BRD10: variants seen among roughly 807,000 people sequenced by gnomAD.
BRD10 encodes the protein uncharacterized bromodomain-containing protein 10.
the BRD10 span, among the ~76,000 whole-genome samples, chr9:5,973,324 G>A: frequency 3.0e-4 from 46 of 152,158 alleles, no homozygotes; most frequent in African/African-American, 1.0e-3. Context: ...AAAATCAGCT[G>A]GGCGTAGTGG....
At chr9:5,979,206 TAA>T in the BRD10 span, among the ~76,000 whole-genome samples, 1 of 152,124 alleles carries the variant, frequency 6.6e-6, no homozygotes, top group Non-Finnish European at 1.5e-5. Context: ...GTACATGAAA[TAA>T]AGAGTACTAA....
the BRD10 span, among the ~76,000 whole-genome samples, chr9:5,912,610 C>G: frequency 2.6e-5 from 4 of 152,170 alleles, no homozygotes; most frequent in Admixed American, 2.6e-4. Flanking sequence ...AGGAGAGGAG[C>G]CTTCAGGAAA....
the BRD10 span, among the ~76,000 whole-genome samples, chr9:5,890,369 T>G: frequency 6.6e-6 from 1 of 152,240 alleles, no homozygotes; most frequent in Admixed American, 6.5e-5. Context: ...GACATAGTTG[T>G]ATTAAGAAAC....
chr9:5,966,445 C>G, the BRD10 span, among the ~76,000 whole-genome samples: 8 of 134,674 alleles, frequency 5.9e-5, no homozygotes, highest in African/African-American at 1.9e-4. Flanking sequence ...ATTTTAGAGA[C>G]TAACATTTCC....
chr9:5,895,389 T>C, the BRD10 span, among the ~76,000 whole-genome samples: 1 of 152,146 alleles, frequency 6.6e-6, no homozygotes, highest in East Asian at 1.9e-4. Flanking sequence ...TCTTCTTTTT[T>C]TTTTTTTAAT....
the BRD10 span, among the ~76,000 whole-genome samples, chr9:6,000,487 ATGATTTT>A: frequency 1.3e-5 from 2 of 152,220 alleles, no homozygotes; most frequent in African/African-American, 4.8e-5. Context: ...TCTCCAAGAT[ATGATTTT>A]TCTTCCCTGC....
At chr9:5,985,186 G>A in the BRD10 span, among the ~76,000 whole-genome samples, 1 of 152,212 alleles carries the variant, frequency 6.6e-6, no homozygotes, top group Non-Finnish European at 1.5e-5. Context: ...AAATGATACT[G>A]AAGGAACTGG....
At chr9:5,990,692 T>C in the BRD10 span, among the ~76,000 whole-genome samples, 1 of 152,202 alleles carries the variant, frequency 6.6e-6, no homozygotes, top group Admixed American at 6.5e-5. Context: ...ATGGTGCTGC[T>C]TCTCTCTCAC....
At chr9:5,943,381 T>C in the BRD10 span, among the ~76,000 whole-genome samples, 1 of 152,296 alleles carries the variant, frequency 6.6e-6, no homozygotes, top group African/African-American at 2.4e-5. Context: ...TATGTTTAAC[T>C]GTAGCATAAA....
At chr9:5,912,118 T>C in the BRD10 span, among the ~76,000 whole-genome samples, 2 of 152,204 alleles carry the variant, frequency 1.3e-5, no homozygotes, top group African/African-American at 4.8e-5. Flanking sequence ...AATTCTTAGA[T>C]ATTTTATTTT....
chr9:5,886,179 G>T, the BRD10 span, among the ~76,000 whole-genome samples: 1 of 152,200 alleles, frequency 6.6e-6, no homozygotes, highest in Admixed American at 6.5e-5. Context: ...GCCCCAAGCA[G>T]GATGAGTCAA....
the BRD10 span, among the ~76,000 whole-genome samples, chr9:5,925,502 G>C: frequency 6.6e-6 from 1 of 151,758 alleles, no homozygotes; most frequent in Non-Finnish European, 1.5e-5. Flanking sequence ...TTTTCTAGCT[G>C]CACTGACAGA....
the BRD10 span, chr9:5,921,341 G>T: frequency 6.2e-7 from 1 of 1,613,846 alleles, no homozygotes; most frequent in East Asian, 2.2e-5. Context: ...CACTGTAGAC[G>T]GAATCAGTAC....
At chr9:5,964,914 G>T in the BRD10 span, among the ~76,000 whole-genome samples, 2 of 108,792 alleles carry the variant, frequency 1.8e-5, no homozygotes, top group South Asian at 3.5e-4. Flanking sequence ...GGTGGGGTGG[G>T]GGGAGGGGGG....
At chr9:5,917,640 T>C in the BRD10 span, among the ~76,000 whole-genome samples, 2 of 152,060 alleles carry the variant, frequency 1.3e-5, no homozygotes, top group African/African-American at 4.8e-5. Flanking sequence ...TCACCTGAGG[T>C]CAGGAGTTCG....
At chr9:5,993,609 G>C in the BRD10 span, among the ~76,000 whole-genome samples, 1 of 152,198 alleles carries the variant, frequency 6.6e-6, no homozygotes, top group Non-Finnish European at 1.5e-5. Context: ...GGAACCCAGA[G>C]AGCGGTGACT....
At chr9:5,959,173 T>C in the BRD10 span, among the ~76,000 whole-genome samples, 2 of 152,182 alleles carry the variant, frequency 1.3e-5, no homozygotes, top group African/African-American at 2.4e-5. Flanking sequence ...TCTTCTATCA[T>C]TGTGATAGAA....
At chr9:6,003,132 G>A in the BRD10 span, among the ~76,000 whole-genome samples, 9 of 152,156 alleles carry the variant, frequency 5.9e-5, no homozygotes, top group South Asian at 1.0e-3. Context: ...TGGAAATCAA[G>A]AATAATTTTA....
At chr9:5,967,283 T>C in the BRD10 span, among the ~76,000 whole-genome samples, 1 of 152,086 alleles carries the variant, frequency 6.6e-6, no homozygotes, top group Non-Finnish European at 1.5e-5. Context: ...AAATGAGACA[T>C]AAACTGATTT....
Sources: gnomAD v4.1 joint callset for allele counts (sites outside exome capture counted in the v4.1 genomes callset) on GRCh38, gnomAD v4.1.1 for gene constraint, MANE v1.5 for transcripts, NCBI Gene and HGNC (gene_info 2026-07-23, HGNC 2026-07-21) for gene names.